The following CCDC148 variants were observed in gnomAD, a reference collection of about 807,000 sequenced individuals.
CCDC148 encodes the protein coiled-coil domain-containing protein 148.
CCDC148 carries 89 observed loss-of-function variants against 85.7 expected under a neutral mutation model. That is an observed-to-expected ratio of 1.04 (90% CI 0.87 to 1.24). The LOEUF (loss-of-function observed/expected upper bound fraction) is 1.24, where lower values mean the gene tolerates loss of function less well. Ranked by LOEUF, CCDC148 falls within the 50% of genes most tolerant of loss-of-function variation. The probability of loss-of-function intolerance (pLI) is 0.00; values close to 1 mark genes in which losing one functional copy is unlikely to be tolerated. For missense variants in CCDC148, 692 were observed against 671.7 expected, an observed-to-expected ratio of 1.03 and a Z score of -0.33; for synonymous variants, 230 against 213.9, an observed-to-expected ratio of 1.08 and a Z score of -0.66.
At chr2:158,277,335 G>A (rs1197731078) in intron 9 of CCDC148, among the ~76,000 whole-genome samples, 1 of 152,152 alleles carries the variant, frequency 6.6e-6, no homozygotes, top group Non-Finnish European at 1.5e-5. Context: ...ATTTCCTTGA[G>A]GTGATAATGA....
chr2:158,202,533 T>A (rs950360505), intron 11 of CCDC148, among the ~76,000 whole-genome samples: 1 of 152,296 alleles, frequency 6.6e-6, no homozygotes, highest in East Asian at 1.9e-4. Context: ...CTGCTAGACC[T>A]GGGGTCAGTA....
chr2:158,433,085 A>ATATATATATATATAT (rs1553521565), intron 1 of CCDC148, among the ~76,000 whole-genome samples: 72 of 46,562 alleles, frequency 1.5e-3, no homozygotes, highest in East Asian at 3.4e-3. Context: ...AAAAAAAAAA[A>ATATATATATATATAT]AAAAAAATAT....
At chr2:158,382,904 GAGTGA>G (rs1684936320) in intron 1 of CCDC148, among the ~76,000 whole-genome samples, 1 of 151,994 alleles carries the variant, frequency 6.6e-6, no homozygotes. Context: ...CTGGGTGACA[GAGTGA>G]GACTCCGTCT....
chr2:158,284,727 T>A (rs1204937138), intron 9 of CCDC148, among the ~76,000 whole-genome samples: 1 of 152,214 alleles, frequency 6.6e-6, no homozygotes, highest in Admixed American at 6.5e-5. Flanking sequence ...AAATTATTTC[T>A]GTGAGCATTT....
At position 158,456,748 on chromosome 2, in the gene CCDC148, C is replaced by G. The variant is rs1031204979; in HGVS notation, c.-309G>C. 6 of 383,458 alleles carry G rather than the reference C, an allele frequency of 1.6e-5. No homozygotes were observed. Among genetic ancestry groups the G allele is most frequent in the African/African-American group, 1.2e-4 (6 of 48,614 alleles). The allele number at this position is 383,458 out of a possible 1,614,324, so 23.8% of individuals were successfully genotyped here. Reference sequence around the variant, plus strand: ...CCCTCTCGCGCTGAACAGCATCGGTCTCTATGGCGACCTGAAACCGCAGCT... The same window carrying G: ...CCCTCTCGCGCTGAACAGCATCGGTGTCTATGGCGACCTGAAACCGCAGCT... On this transcript the variant is annotated 5_prime_UTR_variant, in exon 1 of 14. Transcript: ENST00000283233.
chr2:158,361,219 A>T (rs1683930417), intron 1 of CCDC148, among the ~76,000 whole-genome samples: 1 of 152,056 alleles, frequency 6.6e-6, no homozygotes, highest in African/African-American at 2.4e-5. Context: ...TGAAAGTGAC[A>T]GGGAGAATGG....
chr2:158,405,658 GCATTAAA>G lies in CCDC148; in HGVS notation c.26-47095_26-47089del, dbSNP rs540393054. 4.0e-3 allele frequency among the ~76,000 whole-genome samples: 605 copies of G among 152,234 alleles called. 1 individual carries two copies. The highest frequency in any genetic ancestry group is 0.014 in the African/African-American group (578 of 41,542). ...AATGTGTTAAGTGTTTGGTTAATTA[GCATTAAA>G]CATTAAAGAACAGTTCAATAAGATT... On this transcript the variant is annotated intron_variant, in intron 1 of 13. Transcript: ENST00000283233.
At chr2:158,288,966 C>T (rs895521226) in intron 9 of CCDC148, 9 of 244,836 alleles carry the variant, frequency 3.7e-5, no homozygotes, top group South Asian at 1.3e-4. Context: ...GAAGCAAAAG[C>T]GGAAACCCCT....
intron 1 of CCDC148, among the ~76,000 whole-genome samples, chr2:158,433,261 A>AATATATATATATATATATATATATATAT (rs375554012): frequency 1.1e-4 from 13 of 122,590 alleles, no homozygotes; most frequent in South Asian, 7.3e-4. Context: ...CCTTGACTCA[A>AATATATATATATATATATATATATATAT]ATATATATAT....
At chr2:158,424,538 T>C (rs1039188488) in intron 1 of CCDC148, among the ~76,000 whole-genome samples, 8 of 150,996 alleles carry the variant, frequency 5.3e-5, no homozygotes, top group African/African-American at 2.0e-4. Flanking sequence ...GGACACAGGG[T>C]GGGGAATATC....
intron 9 of CCDC148, among the ~76,000 whole-genome samples, chr2:158,263,239 G>A (rs1689308179): frequency 6.6e-6 from 1 of 152,012 alleles, no homozygotes; most frequent in Non-Finnish European, 1.5e-5. Context: ...TATGAATGGA[G>A]GCCTTGAGAA....
chr2:158,309,241 A>G (rs1294266818), intron 9 of CCDC148, among the ~76,000 whole-genome samples, 192 bp downstream of exon 9: 3 of 152,226 alleles, frequency 2.0e-5, no homozygotes, highest in Admixed American at 1.3e-4. Context: ...TGGTTGAACC[A>G]TATGAAATTA....
At chr2:158,328,576 G>C (rs911110686) in intron 7 of CCDC148, among the ~76,000 whole-genome samples, 25 of 152,046 alleles carry the variant, frequency 1.6e-4, no homozygotes, top group Non-Finnish European at 2.6e-4. Context: ...CTAGATCCCT[G>C]AGGAATCGCC....
intron 10 of CCDC148, among the ~76,000 whole-genome samples, chr2:158,244,946 C>T (rs779238730): frequency 3.9e-5 from 6 of 152,226 alleles, no homozygotes; most frequent in Admixed American, 6.5e-5. Flanking sequence ...CTGTGCTCAC[C>T]ATTTTTTCTA....
At chr2:158,337,210 T>C (rs1449431172) in intron 7 of CCDC148, among the ~76,000 whole-genome samples, 2 of 152,170 alleles carry the variant, frequency 1.3e-5, no homozygotes, top group Admixed American at 6.5e-5. Flanking sequence ...GGGGAGTTAC[T>C]AACCTAGAAA....
chr2:158,326,053 A>C (rs966840391), intron 7 of CCDC148, among the ~76,000 whole-genome samples: 7 of 152,122 alleles, frequency 4.6e-5, no homozygotes, highest in Admixed American at 2.0e-4. Flanking sequence ...CATATCACAC[A>C]GAGTAAAAGC....
intron 1 of CCDC148, chr2:158,381,085 A>T (rs1049972840): frequency 1.3e-5 from 2 of 152,202 alleles, no homozygotes; most frequent in Admixed American, 1.3e-4. Context: ...AAAAATGTTC[A>T]TCTTAAATGG....
chr2:158,303,193 A>C (rs1691529035), intron 9 of CCDC148, among the ~76,000 whole-genome samples: 1 of 152,210 alleles, frequency 6.6e-6, no homozygotes, highest in Admixed American at 6.5e-5. Flanking sequence ...TGTTTAATTA[A>C]TGTTTATTAT....
At chr2:158,281,438 A>G (rs960421257) in intron 9 of CCDC148, among the ~76,000 whole-genome samples, 1 of 152,084 alleles carries the variant, frequency 6.6e-6, no homozygotes, top group African/African-American at 2.4e-5. Flanking sequence ...AAAATGATAA[A>G]GGGGATATCA....
Sources: allele counts gnomAD v4.1 joint callset (sites outside exome capture counted in the v4.1 genomes callset), GRCh38; gene constraint gnomAD v4.1.1; transcripts MANE v1.5; gene names NCBI Gene and HGNC (gene_info 2026-07-23, HGNC 2026-07-21).